DLG2: variants seen among roughly 807,000 people sequenced by gnomAD.
The protein encoded by DLG2 is disks large homolog 2.
A neutral mutation model predicts 132.5 loss-of-function variants in DLG2; 45 were observed. The observed-to-expected ratio is 0.34, with a 90% CI of 0.27 to 0.44. The LOEUF is 0.44. DLG2 is among the 20% of genes least tolerant of loss of function. The pLI, the probability that DLG2 is intolerant of heterozygous loss-of-function variation, is 1.00. For synonymous variants in DLG2, 424 were observed against 419.6 expected (o/e 1.01, Z -0.13); for missense variants, 1,045 against 1,196.9 (o/e 0.87, Z 1.87).
intron 3 of DLG2, among the ~76,000 whole-genome samples, chr11:85,316,592 A>G (rs2080692833): frequency 1.3e-5 from 2 of 151,956 alleles, no homozygotes; most frequent in Non-Finnish European, 2.9e-5. Flanking sequence ...TCTTGTGCCT[A>G]TTTGCTGCTC....
intron 3 of DLG2, among the ~76,000 whole-genome samples, chr11:85,524,325 A>T (rs1039773965): frequency 2.6e-5 from 4 of 152,188 alleles, no homozygotes; most frequent in Non-Finnish European, 4.4e-5. Context: ...ATAATTTCAC[A>T]TTGTATGCCT....
intron 6 of DLG2, among the ~76,000 whole-genome samples, chr11:85,052,547 T>G (rs1009639641): frequency 6.6e-6 from 1 of 152,216 alleles, no homozygotes; most frequent in Non-Finnish European, 1.5e-5. Flanking sequence ...TTATAAGATA[T>G]AGCAGTGAAT....
chr11:83,512,908 C>A (rs558666381), intron 21 of DLG2, among the ~76,000 whole-genome samples: 2 of 152,286 alleles, frequency 1.3e-5, no homozygotes, highest in East Asian at 3.9e-4. Context: ...ATATGTGCCA[C>A]ATTTTCTTAA....
intron 10 of DLG2, among the ~76,000 whole-genome samples, chr11:84,096,771 T>C (rs867075905): frequency 1.3e-5 from 2 of 152,246 alleles, no homozygotes; most frequent in South Asian, 2.1e-4. Context: ...TTTTCAAACC[T>C]TTCACTCTAG....
At chr11:85,497,323 A>G (rs1393712726) in intron 3 of DLG2, among the ~76,000 whole-genome samples, 1 of 151,768 alleles carries the variant, frequency 6.6e-6, no homozygotes, top group East Asian at 2.0e-4. Flanking sequence ...AGAAGAAAGG[A>G]TATCAGTGAT....
At chr11:84,149,808 G>A (rs1407930172) in intron 9 of DLG2, among the ~76,000 whole-genome samples, 1 of 151,924 alleles carries the variant, frequency 6.6e-6, no homozygotes, top group African/African-American at 2.4e-5. Flanking sequence ...TGCATCTCGT[G>A]ATGCAATGAC....
intron 6 of DLG2, among the ~76,000 whole-genome samples, chr11:85,011,964 A>G (rs621007): frequency 0.71 from 107,944 of 151,926 alleles, 39,436 homozygotes; most frequent in East Asian, 0.92. Context: ...TGAATTACTC[A>G]TTTTCCCTGA....
chr11:83,728,936 T>A (rs2090503149), intron 18 of DLG2, among the ~76,000 whole-genome samples: 1 of 152,262 alleles, frequency 6.6e-6, no homozygotes, highest in African/African-American at 2.4e-5. Context: ...ATTGTTGTCC[T>A]GTTTTATTTT....
chr11:85,316,642 T>A (rs898338882), intron 3 of DLG2, among the ~76,000 whole-genome samples: 6 of 151,920 alleles, frequency 3.9e-5, no homozygotes, highest in African/African-American at 1.4e-4. Context: ...AAAGATAGGA[T>A]ACAACTGGGT....
At chr11:84,797,735 AG>A (rs1478092284) in intron 6 of DLG2, among the ~76,000 whole-genome samples, 2 of 152,142 alleles carry the variant, frequency 1.3e-5, no homozygotes, top group Non-Finnish European at 2.9e-5. Context: ...GTTTTGTTCA[AG>A]TCATGTTTTC....
At chr11:83,815,911 C>A (rs1176179942) in intron 17 of DLG2, among the ~76,000 whole-genome samples, 1 of 152,114 alleles carries the variant, frequency 6.6e-6, no homozygotes, top group Admixed American at 6.5e-5. Flanking sequence ...GATAAGAGGC[C>A]AACCCAGATC....
chr11:85,356,817 T>TAGACAGAC (rs1160389574), intron 3 of DLG2, among the ~76,000 whole-genome samples: 3 of 139,930 alleles, frequency 2.1e-5, no homozygotes, highest in African/African-American at 8.5e-5. Context: ...GATAGATAGA[T>TAGACAGAC]AGATAGATAG....
intron 18 of DLG2, among the ~76,000 whole-genome samples, chr11:83,775,424 A>G (rs2094543118): frequency 6.6e-6 from 1 of 152,210 alleles, no homozygotes; most frequent in Admixed American, 6.5e-5. Flanking sequence ...CGGGAAAACC[A>G]CTTATGCTTT....
chr11:84,528,215 T>C (rs1313673337), intron 7 of DLG2, among the ~76,000 whole-genome samples: 2 of 152,118 alleles, frequency 1.3e-5, no homozygotes, highest in African/African-American at 4.8e-5. Context: ...CCAATTTCTT[T>C]TATGAAAGAT....
intron 6 of DLG2, among the ~76,000 whole-genome samples, chr11:85,057,686 C>T (rs943665716): frequency 6.6e-6 from 1 of 151,054 alleles, no homozygotes; most frequent in Non-Finnish European, 1.5e-5. Context: ...TTAAAAAACA[C>T]AAAAACAGTA....
intron 21 of DLG2, among the ~76,000 whole-genome samples, chr11:83,503,911 A>G (rs968872656): frequency 1.3e-5 from 2 of 152,192 alleles, no homozygotes; most frequent in African/African-American, 4.8e-5. Flanking sequence ...ATAATCTTCA[A>G]ATAAAGACAA....
At chr11:84,407,433 T>C (rs1567552022) in intron 7 of DLG2, among the ~76,000 whole-genome samples, 1 of 152,168 alleles carries the variant, frequency 6.6e-6, no homozygotes, top group African/African-American at 2.4e-5. Flanking sequence ...ACTGTTTGGA[T>C]GACCACCTGC....
chr11:84,341,208 T>C (rs2098512876), intron 7 of DLG2, among the ~76,000 whole-genome samples: 1 of 152,148 alleles, frequency 6.6e-6, no homozygotes, highest in Admixed American at 6.5e-5. Flanking sequence ...CTTGAAGTGT[T>C]GTTCTCTCTT....
intron 6 of DLG2, among the ~76,000 whole-genome samples, chr11:84,941,984 T>G (rs1490331874): frequency 1.3e-5 from 2 of 152,158 alleles, no homozygotes; most frequent in Non-Finnish European, 2.9e-5. Context: ...TCTGGATAGG[T>G]TGTATCTGTC....
Sources: gnomAD v4.1 joint callset for allele counts (sites outside exome capture counted in the v4.1 genomes callset) on GRCh38, gnomAD v4.1.1 for gene constraint, MANE v1.5 for transcripts, NCBI Gene and HGNC (gene_info 2026-07-23, HGNC 2026-07-21) for gene names.